Variants in SRBD1 observed in about 807,000 individuals in gnomAD.
The protein encoded by SRBD1 is S1 RNA-binding domain-containing protein 1.
Under a neutral mutation model 115.3 loss-of-function variants are expected in SRBD1, and 88 were observed. That is an observed-to-expected ratio of 0.76 (90% CI 0.64 to 0.91). The LOEUF is 0.91. SRBD1 is among the 40% of genes least tolerant of loss of function. SRBD1 has a pLI of 0.00. For missense variants in SRBD1, 1,385 were observed against 1,177.4 expected (o/e 1.18, Z -2.58); for synonymous variants, 509 against 407.7 (o/e 1.25, Z -2.99).
Position 45,573,626 on chromosome 2 carries a change from C to T in SRBD1, c.1170-284G>A, listed in dbSNP as rs555837961. Among the ~76,000 whole-genome samples the T allele has an allele frequency of 1.1e-4, 16 of 152,164 alleles. No individual in the cohort carries two copies. The South Asian group carries it at 2.7e-3, about 26-fold the overall frequency. ...CAATTATGCAAAAGATCAAAACTAT[C>T]TATAGAAATCAAACCAATAGCTCTG... On this transcript the variant is annotated intron_variant, in intron 8 of 20. Transcript: ENST00000263736.
At chr2:45,588,886 T>A (rs1195871412) in intron 4 of SRBD1, among the ~76,000 whole-genome samples, 1 of 152,232 alleles carries the variant, frequency 6.6e-6, no homozygotes, top group African/African-American at 2.4e-5. Context: ...ATAAATCTCC[T>A]TTATTGCTTA....
At chr2:45,530,144 G>A (rs543686374) in intron 14 of SRBD1, among the ~76,000 whole-genome samples, 1 of 151,998 alleles carries the variant, frequency 6.6e-6, no homozygotes, top group South Asian at 2.1e-4. Flanking sequence ...TCAAAAGGTA[G>A]TGGGAATTTC....
chr2:45,452,421 A>G (rs968198659), intron 16 of SRBD1, among the ~76,000 whole-genome samples: 1 of 151,980 alleles, frequency 6.6e-6, no homozygotes, highest in Non-Finnish European at 1.5e-5. Flanking sequence ...AATAATATCC[A>G]TAATATTTGT....
At position 45,413,162 on chromosome 2, in the gene SRBD1, G is replaced by C. The variant is rs1667653940; in HGVS notation, c.2465C>G (p.Pro822Arg). The change falls in exon 19 of 21, where the codon CCT (proline) becomes CGT (arginine). Residue 822 changes from proline (P) to arginine (R), a missense_variant. By Grantham distance (103) the Pro-to-Arg change is moderately radical (BLOSUM62 -2). Transcript: ENST00000263736. ...TAVNVLLKPN[P>R]LDQTCIHPES... ...TGGATGAATACAAGTTTGGTCCAAA[G>C]GATTTGGCTTCAGTAAAACATTCAC... The C allele has an allele frequency of 4.3e-6, 7 of 1,614,070 alleles. No individual in the cohort carries two copies. Among genetic ancestry groups the C allele is most frequent in the Non-Finnish European group, 5.9e-6 (7 of 1,179,982 alleles).
chr2:45,590,819 C>T (rs1478940939), intron 4 of SRBD1, among the ~76,000 whole-genome samples: 1 of 152,124 alleles, frequency 6.6e-6, no homozygotes, highest in Admixed American at 6.5e-5. Context: ...GAGTTCGAGA[C>T]TGGCCTGATC....
Position 45,551,784 on chromosome 2 carries a change from C to A in SRBD1, c.1518-502G>T, listed in dbSNP as rs143540174. Among the ~76,000 whole-genome samples, 194 of 152,160 alleles carry A rather than the reference C, an allele frequency of 1.3e-3. 1 individual carries two copies. The highest frequency in any genetic ancestry group is 4.5e-3 in the African/African-American group (185 of 41,500). On this transcript the variant is annotated intron_variant, in intron 11 of 20. Transcript: ENST00000263736. Reference sequence around the variant, plus strand: ...AAGAAAAAAACAGATCACAAAGGGTCATGCATGTTCTTCTCAAGAGCTTGG... The same window carrying A: ...AAGAAAAAAACAGATCACAAAGGGTAATGCATGTTCTTCTCAAGAGCTTGG...
At chr2:45,520,746 A>G (rs1339466395) in intron 14 of SRBD1, among the ~76,000 whole-genome samples, 2 of 152,188 alleles carry the variant, frequency 1.3e-5, no homozygotes, top group Non-Finnish European at 2.9e-5. Flanking sequence ...GAGAAGAATC[A>G]GCCACTGTAC....
chr2:45,539,991 A>T (rs1348903364), intron 14 of SRBD1, among the ~76,000 whole-genome samples: 1 of 152,218 alleles, frequency 6.6e-6, no homozygotes, highest in Non-Finnish European at 1.5e-5. Flanking sequence ...AAAGTGACAG[A>T]ATCATCAAGC....
chr2:45,505,744 A>G (rs926648037), intron 14 of SRBD1, among the ~76,000 whole-genome samples: 10 of 152,348 alleles, frequency 6.6e-5, no homozygotes, highest in South Asian at 2.1e-4. Context: ...AGTTAGGATC[A>G]TAAGTAAGCT....
rs908941046 is a variant in SRBD1, at chr2:45,561,133, A to G, written c.1409+1520T>C. 3.9e-5 allele frequency among the ~76,000 whole-genome samples: 6 copies of G among 152,240 alleles called. No homozygotes were observed. The South Asian group carries it at 6.2e-4, about 16-fold the overall frequency. Reference sequence around the variant, plus strand: ...CAAAAAAAGAAAAAGAAAAGAAACTATATAGAAAAATATACACAGTAATAT... The same window carrying G: ...CAAAAAAAGAAAAAGAAAAGAAACTGTATAGAAAAATATACACAGTAATAT... On this transcript the variant is annotated intron_variant, in intron 10 of 20. Coordinates refer to ENST00000263736, the MANE Select transcript of SRBD1 (RefSeq NM_018079.5).
At chr2:45,563,932 CT>C (rs1672747459) in intron 9 of SRBD1, among the ~76,000 whole-genome samples, 1 of 152,132 alleles carries the variant, frequency 6.6e-6, no homozygotes, top group Non-Finnish European at 1.5e-5. Context: ...GAAGGAAAAA[CT>C]TCACATATAT....
In SRBD1 at chr2:45,419,729, G is replaced by A. The variant is rs1667940438; in HGVS notation, c.2156+59C>T. 2.7e-6 allele frequency: 4 copies of A among 1,476,618 alleles called. No homozygotes were observed. The South Asian group carries it at 4.6e-5, about 17-fold the overall frequency. 91.5% of individuals were successfully genotyped at this position (1,476,618 alleles called of 1,614,324 possible). A position where few individuals can be genotyped will look rare whatever the true frequency, so the allele number is the denominator to read the frequency against. ...GTGTTCCCTTCTTCTAGCCGAGTTT[G>A]GACTGGACAGCCAGTTAAACTCAAG... On this transcript the variant is annotated intron_variant, in intron 17 of 20. Coordinates refer to ENST00000263736, the MANE Select transcript of SRBD1 (RefSeq NM_018079.5).
intron 16 of SRBD1, among the ~76,000 whole-genome samples, chr2:45,458,849 A>G (rs1669227863): frequency 6.6e-6 from 1 of 152,164 alleles, no homozygotes; most frequent in Non-Finnish European, 1.5e-5. Flanking sequence ...TAGAATGACT[A>G]CAGGGGAATC....
chr2:45,420,429 G>A (rs1322054067), intron 16 of SRBD1, among the ~76,000 whole-genome samples: 1 of 152,188 alleles, frequency 6.6e-6, no homozygotes, highest in Non-Finnish European at 1.5e-5. Flanking sequence ...ATTGAAGACA[G>A]TACTGTTTAT....
intron 19 of SRBD1, among the ~76,000 whole-genome samples, chr2:45,406,669 T>C (rs1667446807): frequency 6.6e-6 from 1 of 152,164 alleles, no homozygotes; most frequent in South Asian, 2.1e-4. Context: ...TGGAATATTC[T>C]TCAGGAAATA....
rs180970809 is a variant in SRBD1, at chr2:45,410,270, C to G, written c.2513+2844G>C. 5.0e-4 allele frequency among the ~76,000 whole-genome samples: 76 copies of G among 152,230 alleles called. 1 individual carries two copies. The highest frequency in any genetic ancestry group is 2.4e-3 in the Admixed American group (36 of 15,276). On this transcript the variant is annotated intron_variant, in intron 19 of 20. Coordinates refer to ENST00000263736, the MANE Select transcript of SRBD1 (RefSeq NM_018079.5). ...TCACATGACAAAAATGCAAGGTAAC[C>G]AGAATTCTCATGGTGAAAGTGTAAA... is the stretch of plus-strand genomic sequence containing the variant.
At chr2:45,591,564 G>A (rs1673725493) in intron 4 of SRBD1, among the ~76,000 whole-genome samples, 1 of 152,176 alleles carries the variant, frequency 6.6e-6, no homozygotes. Context: ...CATGTACAAG[G>A]AGTGTGAAGA....
intron 4 of SRBD1, among the ~76,000 whole-genome samples, chr2:45,598,442 G>C (rs1001660524): frequency 6.6e-6 from 1 of 151,894 alleles, no homozygotes; most frequent in African/African-American, 2.4e-5. Context: ...GTGAAACCCT[G>C]TCTCTACTAA....
chr2:45,555,527 G>C (rs1226117822), intron 10 of SRBD1, among the ~76,000 whole-genome samples: 1 of 120,938 alleles, frequency 8.3e-6, no homozygotes, highest in Admixed American at 1.1e-4. Flanking sequence ...GTCCTGCTCT[G>C]TCGCCCAGGC....
Sources: gnomAD v4.1 joint callset for allele counts (sites outside exome capture counted in the v4.1 genomes callset) on GRCh38, gnomAD v4.1.1 for gene constraint, MANE v1.5 for transcripts, NCBI Gene and HGNC (gene_info 2026-07-23, HGNC 2026-07-21) for gene names.